AGBL1: variants seen among roughly 807,000 people sequenced by gnomAD.
AGBL1 encodes the protein cytosolic carboxypeptidase 4.
Under a neutral mutation model 118.9 loss-of-function variants are expected in AGBL1, and 130 were observed. The observed-to-expected ratio is 1.09, with a 90% CI of 0.95 to 1.26. The LOEUF is 1.26. Among genes scored for constraint, AGBL1 ranks in the 50% most tolerant of loss-of-function variants. The probability of loss-of-function intolerance (pLI) is 0.00; values close to 1 mark genes in which losing one functional copy is unlikely to be tolerated. For missense variants in AGBL1, 1,584 were observed against 1,298.1 expected (o/e 1.22, Z -3.38); for synonymous variants, 555 against 478.9 (o/e 1.16, Z -2.08).
intron 18 of AGBL1, among the ~76,000 whole-genome samples, chr15:86,499,941 C>T (rs563300303): frequency 2.0e-5 from 3 of 151,920 alleles, no homozygotes; most frequent in African/African-American, 7.2e-5. Flanking sequence ...ATCATAGCAT[C>T]AGGGAAGTCA....
chr15:86,371,698 T>C (rs2080973089), intron 17 of AGBL1, among the ~76,000 whole-genome samples: 1 of 152,170 alleles, frequency 6.6e-6, no homozygotes, highest in African/African-American at 2.4e-5. Context: ...TCCAACACCG[T>C]GTGCAGAAAT....
rs775822913 is a variant in AGBL1, at chr15:86,264,383, G to A, written c.1212G>A (p.Gly404=). ...ACAGCAAGGACCAAAGCTCCTGTGG[G>A]CAAGAAAGAGAATATGCTGTCCAGA... ...HCYSKDQSSC[G]QEREYAVQTS... Residue 404 remains glycine (G), a synonymous_variant, in exon 11 of 23, where the codon GGG becomes GGA. Transcript: ENST00000614907. The A allele has an allele frequency of 2.5e-6, 4 of 1,613,814 alleles. No homozygotes were observed. The East Asian group carries it at 6.7e-5, about 27-fold the overall frequency.
chr15:86,649,455 A>G (rs960707967), intron 21 of AGBL1, among the ~76,000 whole-genome samples: 1 of 152,170 alleles, frequency 6.6e-6, no homozygotes, highest in Non-Finnish European at 1.5e-5. Flanking sequence ...TACTGAGTCC[A>G]CTGGAAATTT....
chr15:86,721,364 T>C (rs1475127906), intron 22 of AGBL1, among the ~76,000 whole-genome samples: 10 of 152,248 alleles, frequency 6.6e-5, no homozygotes, highest in Admixed American at 1.3e-4. Context: ...TCAATAAACA[T>C]AATCCAGCAT....
In AGBL1 at chr15:86,337,859, TAAAAC is replaced by T. The variant is rs199844285; in HGVS notation, c.2374+42455_2374+42459del. On this transcript the variant is annotated intron_variant, in intron 17 of 22. Coordinates refer to ENST00000614907, the MANE Select transcript of AGBL1 (RefSeq NM_001386094.1). ...CATCTTGCACATGTACCCTGGAACTTAAAACAAACAAAAAATGCACTTAAAAATAA... is the reference window on the plus strand; with the variant it reads ...CATCTTGCACATGTACCCTGGAACTTAAACAAAAAATGCACTTAAAAATAA... Among the ~76,000 whole-genome samples, 690 of 152,232 alleles carry T rather than the reference TAAAAC, an allele frequency of 4.5e-3. 3 individuals carry two copies. The highest frequency in any genetic ancestry group is 0.012 in the African/African-American group (513 of 41,540).
At chr15:86,435,490 A>G (rs192478015) in intron 18 of AGBL1, among the ~76,000 whole-genome samples, 3 of 152,322 alleles carry the variant, frequency 2.0e-5, no homozygotes, top group Admixed American at 2.0e-4. Flanking sequence ...TAAGCCATGA[A>G]AGGTGCTCCA....
intron 22 of AGBL1, among the ~76,000 whole-genome samples, chr15:86,871,779 C>G (rs1366135994): frequency 2.0e-5 from 3 of 152,160 alleles, no homozygotes; most frequent in Non-Finnish European, 4.4e-5. Context: ...ATCTTGGCTC[C>G]AAGAACTCCG....
chr15:86,883,585 G>C (rs1427374819), intron 22 of AGBL1, among the ~76,000 whole-genome samples: 1 of 152,100 alleles, frequency 6.6e-6, no homozygotes, highest in African/African-American at 2.4e-5. Flanking sequence ...TCCTCTGCTA[G>C]AACATTCACC....
intron 18 of AGBL1, among the ~76,000 whole-genome samples, chr15:86,514,921 C>T (rs1283789388): frequency 2.0e-5 from 3 of 152,176 alleles, no homozygotes; most frequent in African/African-American, 7.2e-5. Context: ...TTTAACTCCA[C>T]ATCCTAAAAA....
At chr15:86,253,131 G>A (rs1291861137) in intron 7 of AGBL1, among the ~76,000 whole-genome samples, 4 of 152,188 alleles carry the variant, frequency 2.6e-5, no homozygotes, top group African/African-American at 9.6e-5. Flanking sequence ...CACAGACATG[G>A]CAGAGCATTG....
intron 22 of AGBL1, among the ~76,000 whole-genome samples, chr15:86,799,647 A>C (rs1296110494): frequency 6.6e-6 from 1 of 152,162 alleles, no homozygotes; most frequent in Non-Finnish European, 1.5e-5. Flanking sequence ...AAGTTGGAGA[A>C]ATTGAATAAG....
chr15:87,026,942 T>G (rs995409476), intron 24 of AGBL1, among the ~76,000 whole-genome samples: 2 of 151,848 alleles, frequency 1.3e-5, no homozygotes, highest in African/African-American at 4.8e-5. Context: ...GCTATGAGGA[T>G]GCAAAAACAT....
intron 24 of AGBL1, among the ~76,000 whole-genome samples, chr15:87,027,611 A>G (rs2081745163): frequency 6.6e-6 from 1 of 152,038 alleles, no homozygotes; most frequent in Non-Finnish European, 1.5e-5. Flanking sequence ...TATTCACAAT[A>G]GCGAAGACAT....
Position 86,295,395 on chromosome 15 carries a change from T to C in AGBL1, c.2361T>C (p.His787=). ...TGCCTGAGTCCAACAGTGATGAGCA[T>C]CTAGAGCAGTTCCGTGAGTAAAATG... The part of the protein sequence containing the change: ...TAMPESNSDE[H]LEQFRHRPYQ... Residue 787 remains histidine (H), a synonymous_variant, in exon 17 of 23, where the codon CAT becomes CAC. Transcript: ENST00000614907. 1 of 1,581,432 alleles carries C rather than the reference T, an allele frequency of 6.3e-7. No homozygotes were observed. The highest frequency in any genetic ancestry group is 8.6e-7 in the Non-Finnish European group (1 of 1,165,648).
chr15:86,486,813 C>G (rs2082718121), intron 18 of AGBL1, among the ~76,000 whole-genome samples: 1 of 151,988 alleles, frequency 6.6e-6, no homozygotes, highest in Non-Finnish European at 1.5e-5. Context: ...TCAGCTGTGC[C>G]CATCTACATG....
intron 1 of AGBL1, among the ~76,000 whole-genome samples, chr15:86,131,905 T>C (rs1370129858): frequency 1.3e-5 from 2 of 151,000 alleles, no homozygotes; most frequent in Non-Finnish European, 2.9e-5. Flanking sequence ...CTTCGGTGAG[T>C]TGTGATCCTG....
At chr15:86,770,324 C>T (rs768239393) in intron 22 of AGBL1, among the ~76,000 whole-genome samples, 5 of 151,754 alleles carry the variant, frequency 3.3e-5, no homozygotes, top group Admixed American at 6.6e-5. Flanking sequence ...TTTGCATCCC[C>T]GCACAGGAGA....
In AGBL1 at chr15:86,142,064, G is replaced by T; in HGVS notation, c.112G>T (p.Val38Phe). 1 of 1,550,182 alleles carries T rather than the reference G, an allele frequency of 6.5e-7. No homozygotes were observed. Among genetic ancestry groups the T allele is most frequent in the Non-Finnish European group, 8.7e-7 (1 of 1,146,782 alleles). Residue 38 changes from valine (V) to phenylalanine (F), a missense_variant, in exon 2 of 23, where the codon GTT becomes TTT. By Grantham distance (50) the Val-to-Phe change is conservative (BLOSUM62 -1). Coordinates refer to ENST00000614907, the MANE Select transcript of AGBL1 (RefSeq NM_001386094.1). ...CAAGGTCCTCGGAGATCTGCTTTCT[G>T]TTGGTGAGTAGGCCATGCTCTCATG... Reference protein sequence around the residue: ...ILKVLGDLLSVGTDRRIHYMI... With the variant: ...ILKVLGDLLSFGTDRRIHYMI...
chr15:86,224,784 A>C, intron 5 of AGBL1, 130 bp from the exon 6 acceptor site: 1 of 825,424 alleles, frequency 1.2e-6, no homozygotes, highest in Admixed American at 2.1e-5. Context: ...GGGGCAATCA[A>C]TAGATTGCCT....
Sources: allele counts gnomAD v4.1 joint callset (sites outside exome capture counted in the v4.1 genomes callset), GRCh38; gene constraint gnomAD v4.1.1; transcripts MANE v1.5; gene names NCBI Gene and HGNC (gene_info 2026-07-23, HGNC 2026-07-21).